The following WDR25 variants were observed in gnomAD, a reference collection of about 807,000 sequenced individuals.
WDR25 encodes the protein WD repeat domain 25, also known as WD repeat-containing protein 25.
Under a neutral mutation model 47.7 loss-of-function variants are expected in WDR25, and 35 were observed. The ratio of observed to expected loss-of-function variants is 0.73; its 90% CI spans 0.56 to 0.97. WDR25 has a LOEUF of 0.97. Ranked by LOEUF, WDR25 falls within the 50% of genes least tolerant of loss-of-function variation. The pLI, the probability that WDR25 is intolerant of heterozygous loss-of-function variation, is 0.00. For missense variants in WDR25, 634 were observed against 704.7 expected, an observed-to-expected ratio of 0.90 and a Z score of 1.14; for synonymous variants, 248 against 278.9, an observed-to-expected ratio of 0.89 and a Z score of 1.10.
intron 2 of WDR25, among the ~76,000 whole-genome samples, chr14:100,414,028 C>T (rs1897794011): frequency 6.7e-6 from 1 of 149,838 alleles, no homozygotes; most frequent in African/African-American, 2.5e-5. Flanking sequence ...TAGAGTCTCA[C>T]TCTGTCACTC....
intron 4 of WDR25, among the ~76,000 whole-genome samples, chr14:100,524,407 G>A (rs1257014647): frequency 6.6e-6 from 1 of 152,172 alleles, no homozygotes; most frequent in Non-Finnish European, 1.5e-5. Flanking sequence ...AAGTGTTGAG[G>A]CTGGTGGGGG....
chr14:100,409,482 G>A (rs897400179), intron 2 of WDR25, among the ~76,000 whole-genome samples: 13 of 151,868 alleles, frequency 8.6e-5, no homozygotes, highest in Admixed American at 2.6e-4. Flanking sequence ...TTGAGGGAAG[G>A]GGACACCTCA....
chr14:100,519,924 AC>A (rs1901655708), intron 4 of WDR25, among the ~76,000 whole-genome samples: 1 of 143,282 alleles, frequency 7.0e-6, no homozygotes, highest in Non-Finnish European at 1.5e-5. Flanking sequence ...TAGTATATAT[AC>A]TATATATACA....
chr14:100,471,478 C>G (rs1899832018), intron 3 of WDR25, among the ~76,000 whole-genome samples: 1 of 152,222 alleles, frequency 6.6e-6, no homozygotes, highest in Non-Finnish European at 1.5e-5. Flanking sequence ...GGCCCTGTGG[C>G]TTTCGTCCCG....
chr14:100,521,285 G>A (rs1051595374), intron 4 of WDR25, among the ~76,000 whole-genome samples: 1 of 151,924 alleles, frequency 6.6e-6, no homozygotes. Flanking sequence ...TTACTGACTG[G>A]CTCTTTACAG....
chr14:100,450,761 A>G (rs899933348), intron 2 of WDR25, among the ~76,000 whole-genome samples: 1 of 152,202 alleles, frequency 6.6e-6, no homozygotes, highest in African/African-American at 2.4e-5. Context: ...AGTTATTGAG[A>G]GAGGGAGTAT....
chr14:100,423,461 A>G (rs1285396879), intron 2 of WDR25, among the ~76,000 whole-genome samples: 3 of 152,192 alleles, frequency 2.0e-5, no homozygotes, highest in Non-Finnish European at 4.4e-5. Context: ...TTGTAGAGGA[A>G]AGTCCCTTCA....
rs1896904857 is a variant in WDR25 at position 100,381,671 on chromosome 14, C to G, written c.747C>G (p.Val249=). 6 of 1,614,200 alleles carry G rather than the reference C, an allele frequency of 3.7e-6. No homozygotes were observed. The highest frequency in any genetic ancestry group is 5.1e-6 in the Non-Finnish European group (6 of 1,180,040). Residue 249 remains valine, a synonymous_variant, in exon 2 of 7, where the codon GTC becomes GTG. Coordinates refer to ENST00000402312, the MANE Select transcript of WDR25 (RefSeq NM_001161476.3). The part of the protein sequence containing the change: ...LFHLRGHRGP[V]NTIQWCPVLS... ...ACCTGAGAGGCCACAGGGGCCCTGT[C>G]AACACCATTCAGTGGTGTCCAGTCC...
intron 1 of WDR25, among the ~76,000 whole-genome samples, chr14:100,377,467 A>ATTTT (rs553180990): frequency 1.0e-4 from 15 of 145,594 alleles, no homozygotes; most frequent in East Asian, 6.0e-4. Flanking sequence ...ACACGGCTAA[A>ATTTT]TTTTTTTTTT....
At chr14:100,503,847 C>T (rs1006688213) in intron 4 of WDR25, 1 of 152,228 alleles carries the variant, frequency 6.6e-6, no homozygotes, top group Non-Finnish European at 1.5e-5. Flanking sequence ...GTTGGTCCCA[C>T]CTCTGCTTAT....
At chr14:100,469,165 G>A (rs1401989933) in intron 3 of WDR25, among the ~76,000 whole-genome samples, 1 of 152,076 alleles carries the variant, frequency 6.6e-6, no homozygotes, top group Non-Finnish European at 1.5e-5. Context: ...GGTGGCTCTG[G>A]GCCCTGCCTC....
chr14:100,521,005 A>C (rs902450529), intron 4 of WDR25, among the ~76,000 whole-genome samples: 2 of 152,212 alleles, frequency 1.3e-5, no homozygotes, highest in Non-Finnish European at 2.9e-5. Context: ...ATTGCTTTTT[A>C]AGTTAATTTT....
intron 4 of WDR25, among the ~76,000 whole-genome samples, chr14:100,507,160 G>T (rs1265746814): frequency 2.6e-5 from 4 of 152,180 alleles, no homozygotes; most frequent in Non-Finnish European, 1.5e-5. Flanking sequence ...ATTGCAAAGG[G>T]AATCTTTTCC....
At chr14:100,467,628 G>C (rs1388874099) in intron 2 of WDR25, among the ~76,000 whole-genome samples, 1 of 152,112 alleles carries the variant, frequency 6.6e-6, no homozygotes. Flanking sequence ...TGAGTAGTTG[G>C]GACTAGAGGC....
At chr14:100,383,604 C>CG (rs1566882337) in intron 2 of WDR25, among the ~76,000 whole-genome samples, 2 of 152,192 alleles carry the variant, frequency 1.3e-5, no homozygotes, top group African/African-American at 4.8e-5. Context: ...CGCCTGGTGG[C>CG]GTGAAGTGCT....
chr14:100,515,435 A>G (rs1901458656), intron 4 of WDR25, among the ~76,000 whole-genome samples: 1 of 152,012 alleles, frequency 6.6e-6, no homozygotes, highest in Admixed American at 6.6e-5. Flanking sequence ...CATATCTTCA[A>G]ATTTAGTAAT....
At chr14:100,514,968 GC>G (rs1901443636) in intron 4 of WDR25, among the ~76,000 whole-genome samples, 1 of 152,090 alleles carries the variant, frequency 6.6e-6, no homozygotes, top group Non-Finnish European at 1.5e-5. Context: ...AGATATTTAT[GC>G]TAGGTAAAGA....
At chr14:100,482,989 G>A (rs1449440260) in intron 3 of WDR25, among the ~76,000 whole-genome samples, 1 of 152,212 alleles carries the variant, frequency 6.6e-6, no homozygotes, top group Admixed American at 6.5e-5. Context: ...CAGCTGCTGT[G>A]CCTGGTGTGT....
intron 3 of WDR25, among the ~76,000 whole-genome samples, chr14:100,478,202 A>G (rs1252455500): frequency 6.6e-6 from 1 of 152,258 alleles, no homozygotes; most frequent in Non-Finnish European, 1.5e-5. Context: ...AATTTTGTAA[A>G]CTATAATAGC....
Sources: allele counts gnomAD v4.1 joint callset (sites outside exome capture counted in the v4.1 genomes callset), GRCh38; gene constraint gnomAD v4.1.1; transcripts MANE v1.5; gene names NCBI Gene and HGNC (gene_info 2026-07-23, HGNC 2026-07-21).